The following CADPS variants were observed in gnomAD, a reference collection of about 807,000 sequenced individuals.
CADPS encodes calcium dependent secretion activator.
Under a neutral mutation model 167.3 loss-of-function variants are expected in CADPS, and 57 were observed. The ratio of observed to expected loss-of-function variants is 0.34; its 90% CI spans 0.28 to 0.42. The LOEUF is 0.42. Among genes scored for constraint, CADPS ranks in the 20% least tolerant of loss-of-function variants. CADPS has a pLI of 1.00. For missense variants in CADPS, 1,414 were observed against 1,738.1 expected (o/e 0.81, Z 3.32); for synonymous variants, 676 against 635.3 (o/e 1.06, Z -0.96).
At chr3:62,791,427 T>C (rs558711917) in intron 1 of CADPS, among the ~76,000 whole-genome samples, 1 of 152,208 alleles carries the variant, frequency 6.6e-6, no homozygotes, top group Admixed American at 6.5e-5. Context: ...ACCAGCAGCA[T>C]CAGCATTATC....
At chr3:62,719,882 G>T (rs1033203775) in intron 3 of CADPS, among the ~76,000 whole-genome samples, 2 of 152,168 alleles carry the variant, frequency 1.3e-5, no homozygotes, top group Non-Finnish European at 2.9e-5. Flanking sequence ...CCTATGAGTT[G>T]TGAACAGAAG....
intron 3 of CADPS, among the ~76,000 whole-genome samples, chr3:62,720,375 C>G (rs2075542203): frequency 6.6e-6 from 1 of 150,494 alleles, no homozygotes; most frequent in Non-Finnish European, 1.5e-5. Flanking sequence ...CTCTGTCACT[C>G]AGACTGCAGT....
At chr3:62,406,586 T>C (rs79281179) in intron 28 of CADPS, among the ~76,000 whole-genome samples, 1,777 of 152,320 alleles carry the variant, frequency 0.012, 19 homozygotes, top group Non-Finnish European at 0.021. Context: ...AGTATTTAAG[T>C]ATAATTTCTA....
At chr3:62,857,243 C>T (rs537884994) in intron 1 of CADPS, among the ~76,000 whole-genome samples, 12 of 152,096 alleles carry the variant, frequency 7.9e-5, no homozygotes, top group Admixed American at 3.3e-4. Context: ...TTAAAAATAA[C>T]GCATCGAGTT....
At chr3:62,689,094 C>T (rs1198661177) in intron 3 of CADPS, among the ~76,000 whole-genome samples, 4 of 151,900 alleles carry the variant, frequency 2.6e-5, no homozygotes, top group Non-Finnish European at 5.9e-5. Context: ...GATATTTATT[C>T]GTAGAAAAAT....
chr3:62,413,928 C>A (rs1404429421), intron 28 of CADPS, among the ~76,000 whole-genome samples: 1 of 151,966 alleles, frequency 6.6e-6, no homozygotes, highest in African/African-American at 2.4e-5. Flanking sequence ...TGAGTGTAGT[C>A]ATTTCATTTA....
intron 1 of CADPS, chr3:62,779,641 T>C (rs916809668): frequency 7.5e-6 from 4 of 531,362 alleles, no homozygotes; most frequent in Non-Finnish European, 1.5e-5. Flanking sequence ...TTTAAAGGCA[T>C]AGGCTGTCTC....
In CADPS at chr3:62,653,335, G is replaced by A. The variant is rs116098285; in HGVS notation, c.970-2255C>T. Among the ~76,000 whole-genome samples, 1,120 of 152,156 alleles carry A rather than the reference G, an allele frequency of 7.4e-3. 16 individuals carry two copies. The highest frequency in any genetic ancestry group is 0.022 in the African/African-American group (913 of 41,528). On this transcript the variant is annotated intron_variant, in intron 4 of 29. Transcript: ENST00000383710. ...CTCATTTGTTCCTGCCAGCATGTGAGGACCTGGTAAAAAGACAGCTGCCTA... is the reference window on the plus strand; with the variant it reads ...CTCATTTGTTCCTGCCAGCATGTGAAGACCTGGTAAAAAGACAGCTGCCTA...
Position 62,705,725 on chromosome 3 carries a change from C to T in CADPS, c.889-43331G>A, listed in dbSNP as rs2082195681. ...TGGGACTCAGACTGGCTTCCTTCTT[C>T]CTCAGCTTGCAGATGGCCTATTGTG... On this transcript the variant is annotated intron_variant, in intron 3 of 29. Transcript: ENST00000383710. Among the ~76,000 whole-genome samples, 4 of 152,252 alleles carry T rather than the reference C, an allele frequency of 2.6e-5. No homozygotes were observed. In the East Asian group the frequency reaches 5.8e-4, roughly 22 times the overall value.
At chr3:62,480,500 T>C (rs959770984) in intron 22 of CADPS, among the ~76,000 whole-genome samples, 1 of 152,194 alleles carries the variant, frequency 6.6e-6, no homozygotes, top group African/African-American at 2.4e-5. Flanking sequence ...TAGTGTGAAC[T>C]TGTGAGCAAT....
intron 1 of CADPS, among the ~76,000 whole-genome samples, chr3:62,869,812 C>T (rs1358162241): frequency 2.0e-5 from 3 of 152,108 alleles, no homozygotes; most frequent in South Asian, 4.1e-4. Context: ...GGTTAGAACT[C>T]TCATCATTCC....
chr3:62,521,096 T>C (rs2070447421), intron 13 of CADPS, among the ~76,000 whole-genome samples: 2 of 152,154 alleles, frequency 1.3e-5, no homozygotes, highest in Admixed American at 6.6e-5. Context: ...GATTGGTTGG[T>C]CCCCTAAAGT....
intron 28 of CADPS, 65 bp from the exon 29 acceptor site, chr3:62,403,250 G>T: frequency 9.0e-7 from 1 of 1,107,240 alleles, no homozygotes; most frequent in Non-Finnish European, 1.4e-6. Flanking sequence ...CAGAGAGAGA[G>T]CAGGCAATGT....
chr3:62,587,322 G>A (rs1489727218), intron 7 of CADPS, among the ~76,000 whole-genome samples: 1 of 152,208 alleles, frequency 6.6e-6, no homozygotes, highest in Non-Finnish European at 1.5e-5. Context: ...GGAAATGAGT[G>A]AGATAGGGCA....
rs73842458 is a variant in CADPS at position 62,539,447 on chromosome 3, C to T, written c.1967-2866G>A. 4.6e-3 allele frequency among the ~76,000 whole-genome samples: 697 copies of T among 151,950 alleles called. 4 individuals are homozygous for T. Among genetic ancestry groups the T allele is most frequent in the African/African-American group, 0.016 (668 of 41,446 alleles). ...TCTAATGGTTCCCACAACTCAAGAG[C>T]GCTTACAAGGGTGGCTGGCTCCCAC... On this transcript the variant is annotated intron_variant, in intron 11 of 29. Transcript: ENST00000383710.
At chr3:62,649,980 A>AAT (rs2069670806) in intron 5 of CADPS, among the ~76,000 whole-genome samples, 1 of 152,176 alleles carries the variant, frequency 6.6e-6, no homozygotes, top group Non-Finnish European at 1.5e-5. Flanking sequence ...TCCATTCACC[A>AAT]GTTGGTTAAC....
chr3:62,677,487 C>T (rs374109803), intron 3 of CADPS, among the ~76,000 whole-genome samples: 129 of 152,070 alleles, frequency 8.5e-4, no homozygotes, highest in African/African-American at 3.0e-3. Flanking sequence ...AGACATTTTT[C>T]GTTGTCACAA....
intron 21 of CADPS, among the ~76,000 whole-genome samples, chr3:62,485,318 G>A (rs2062643532): frequency 6.6e-6 from 1 of 151,792 alleles, no homozygotes; most frequent in Non-Finnish European, 1.5e-5. Flanking sequence ...TATAATCCAT[G>A]CTGGCGAAAA....
chr3:62,808,269 T>C (rs927336194), intron 1 of CADPS, among the ~76,000 whole-genome samples: 2 of 139,640 alleles, frequency 1.4e-5, no homozygotes, highest in African/African-American at 5.3e-5. Flanking sequence ...GCTAGCCTTA[T>C]GAGAAAACTG....
Sources: gnomAD v4.1 joint callset for allele counts (sites outside exome capture counted in the v4.1 genomes callset) on GRCh38, gnomAD v4.1.1 for gene constraint, MANE v1.5 for transcripts, NCBI Gene and HGNC (gene_info 2026-07-23, HGNC 2026-07-21) for gene names.